Variants in AFF2 observed in about 807,000 individuals in gnomAD.
The protein encoded by AFF2 is AF4/FMR2 family member 2.
A neutral mutation model predicts 76.9 loss-of-function variants in AFF2; 14 were observed. The observed-to-expected ratio is 0.18, with a 90% CI of 0.12 to 0.28. The LOEUF (loss-of-function observed/expected upper bound fraction) is 0.28, where lower values mean the gene tolerates loss of function less well. Among genes scored for constraint, AFF2 ranks in the 10% least tolerant of loss-of-function variants. The pLI, the probability that AFF2 is intolerant of heterozygous loss-of-function variation, is 1.00. For synonymous variants in AFF2, 398 were observed against 366.7 expected (o/e 1.09, Z -0.98); for missense variants, 868 against 1,001.1 (o/e 0.87, Z 1.79).
intron 13 of AFF2, 117 bp from the exon 14 acceptor site, chrX:148,966,672 TC>T: frequency 1.9e-6 from 2 of 1,039,656 alleles, no homozygotes; most frequent in Non-Finnish European, 2.5e-6. Context: ...TGCATTGTTT[TC>T]TTTCTTTTTT....
intron 1 of AFF2, among the ~76,000 whole-genome samples, chrX:148,617,543 A>G (rs987419305): frequency 1.8e-5 from 2 of 111,924 alleles, no homozygotes; most frequent in African/African-American, 6.5e-5. Context: ...CTCTGATGGT[A>G]GTTTCTTTTG....
At chrX:148,692,197 G>C (rs145425136) in intron 3 of AFF2, among the ~76,000 whole-genome samples, 1,450 of 111,654 alleles carry the variant, frequency 0.013, 24 homozygotes, top group African/African-American at 0.045. Flanking sequence ...AATTTATCAG[G>C]CTCTTGAAGT....
chrX:148,610,099 A>G (rs1569552098), intron 1 of AFF2, among the ~76,000 whole-genome samples: 1 of 111,889 alleles, frequency 8.9e-6, no homozygotes, highest in Non-Finnish European at 1.9e-5. Context: ...GATCGTTTTA[A>G]GAATTAGGAA....
chrX:148,645,976 A>G (rs2054139767), intron 1 of AFF2, among the ~76,000 whole-genome samples: 1 of 112,359 alleles, frequency 8.9e-6, no homozygotes, highest in Admixed American at 9.4e-5. Flanking sequence ...GTACTGACCC[A>G]TGCTACAGTG....
At chrX:148,920,314 A>C (rs898150373) in intron 9 of AFF2, among the ~76,000 whole-genome samples, 14 of 111,872 alleles carry the variant, frequency 1.3e-4, no homozygotes, top group African/African-American at 4.5e-4. Context: ...ATGTTAGTTT[A>C]TCCTGACATA....
At chrX:148,636,809 GAA>G (rs368514123) in intron 1 of AFF2, among the ~76,000 whole-genome samples, 1 of 104,025 alleles carries the variant, frequency 9.6e-6, no homozygotes, top group Non-Finnish European at 2.0e-5. Flanking sequence ...AGTACCTTGG[GAA>G]AAAAAAAACC....
chrX:148,595,066 G>A (rs183006005), intron 1 of AFF2, among the ~76,000 whole-genome samples: 77 of 112,126 alleles, frequency 6.9e-4, no homozygotes, highest in African/African-American at 2.3e-3. Context: ...AGGAAGAAGG[G>A]AGGAAGGTAG....
intron 3 of AFF2, among the ~76,000 whole-genome samples, chrX:148,736,672 G>T (rs368264211): frequency 1.2e-4 from 13 of 111,645 alleles, no homozygotes; most frequent in Middle Eastern, 4.6e-3. Flanking sequence ...TGGGTTCTTG[G>T]TCATTAAATC....
intron 1 of AFF2, among the ~76,000 whole-genome samples, chrX:148,514,576 A>G (rs1486459333): frequency 8.9e-6 from 1 of 112,503 alleles, no homozygotes; most frequent in African/African-American, 3.2e-5. Context: ...GAATTGGTCT[A>G]TGTGATGTTG....
chrX:148,524,119 CTCTCTGTG>C lies in AFF2; in HGVS notation c.47+22977_47+22984del, dbSNP rs1367059355. 3.6e-4 allele frequency among the ~76,000 whole-genome samples: 28 copies of C among 78,842 alleles called. No homozygotes were observed. The East Asian group carries it at 0.011, about 32-fold the overall frequency. The allele number at this position is 78,842 out of a possible 115,157, so 68.5% of individuals were successfully genotyped here. ...TCTTTCTCTCTCTCTCTCTCTCTCT[CTCTCTGTG>C]TGTGTGTGTGTGTGTGTGTGTGTGT... On this transcript the variant is annotated intron_variant, in intron 1 of 20. Transcript: ENST00000370460.
intron 3 of AFF2, among the ~76,000 whole-genome samples, chrX:148,709,453 A>C (rs2054932664): frequency 8.9e-6 from 1 of 112,142 alleles, no homozygotes; most frequent in Admixed American, 9.5e-5. Flanking sequence ...CACCAAGGGA[A>C]AAACACAATA....
At chrX:148,966,177 C>A (rs2072169379) in intron 13 of AFF2, among the ~76,000 whole-genome samples, 1 of 112,036 alleles carries the variant, frequency 8.9e-6, no homozygotes, top group African/African-American at 3.2e-5. Context: ...ACTCACATTT[C>A]ACTTAGCTAG....
chrX:148,914,719 T>C (rs1339303463), intron 9 of AFF2, among the ~76,000 whole-genome samples: 1 of 112,330 alleles, frequency 8.9e-6, no homozygotes, highest in Admixed American at 9.4e-5. Context: ...AAATGTTTCT[T>C]TCATACAGTT....
intron 9 of AFF2, among the ~76,000 whole-genome samples, chrX:148,906,359 A>G (rs781950594): frequency 6.5e-4 from 73 of 111,812 alleles, no homozygotes; most frequent in Non-Finnish European, 6.8e-4. Context: ...AACCTCCCCA[A>G]CAGCACTTGG....
At position 148,995,214 on chromosome X, in the gene AFF2, C is replaced by A. The variant is rs1557292885; in HGVS notation, c.*3882C>A. 1 of 110,604 alleles carries A rather than the reference C, an allele frequency of 9.0e-6. No homozygotes were observed. The highest frequency in any genetic ancestry group is 3.3e-5 in the African/African-American group (1 of 30,302). 9.1% of individuals were successfully genotyped at this position (110,604 alleles called of 1,213,427 possible). On this transcript the variant is annotated 3_prime_UTR_variant, in exon 21 of 21. Transcript: ENST00000370460. Reference sequence around the variant, plus strand: ...TCATAATTAAAATCTAATTCATTTTCTCTTTAGTGTTAGTAGACTCCAACA... The same window carrying A: ...TCATAATTAAAATCTAATTCATTTTATCTTTAGTGTTAGTAGACTCCAACA...
At chrX:148,966,617 G>T (rs782162168) in intron 13 of AFF2, among the ~76,000 whole-genome samples, 173 bp from the exon 14 acceptor site, 1 of 110,089 alleles carries the variant, frequency 9.1e-6, no homozygotes, top group South Asian at 3.9e-4. Flanking sequence ...GTGATTCATG[G>T]CGTTCATAAA....
chrX:148,621,583 T>A (rs1041290601), intron 1 of AFF2, among the ~76,000 whole-genome samples: 5 of 112,003 alleles, frequency 4.5e-5, no homozygotes, highest in Non-Finnish European at 9.4e-5. Flanking sequence ...AATTATGTAA[T>A]CATAATAACA....
intron 3 of AFF2, among the ~76,000 whole-genome samples, chrX:148,804,392 A>G (rs1179219221): frequency 8.9e-6 from 1 of 111,800 alleles, no homozygotes; most frequent in African/African-American, 3.3e-5. Flanking sequence ...TATCTCATTC[A>G]TTTGCTCAAA....
chrX:148,709,867 G>T (rs2054942134), intron 3 of AFF2, among the ~76,000 whole-genome samples: 1 of 112,097 alleles, frequency 8.9e-6, no homozygotes, highest in Non-Finnish European at 1.9e-5. Flanking sequence ...GGAAGGCAGG[G>T]TTTTAAGATA....
Sources: gnomAD v4.1 joint callset for allele counts (sites outside exome capture counted in the v4.1 genomes callset) on GRCh38, gnomAD v4.1.1 for gene constraint, MANE v1.5 for transcripts, NCBI Gene and HGNC (gene_info 2026-07-23, HGNC 2026-07-21) for gene names.